The following PHC2 variants were observed in gnomAD, a reference collection of about 807,000 sequenced individuals.
PHC2 encodes the protein polyhomeotic homolog 2.
A neutral mutation model predicts 87.4 loss-of-function variants in PHC2; 29 were observed. The ratio of observed to expected loss-of-function variants is 0.33; its 90% CI spans 0.25 to 0.45. The LOEUF is 0.45. Ranked by LOEUF, PHC2 falls within the 20% of genes least tolerant of loss-of-function variation. The pLI is 1.00. For synonymous variants in PHC2, 438 were observed against 461.7 expected (o/e 0.95, Z 0.66); for missense variants, 857 against 1,136.7 (o/e 0.75, Z 3.54).
chr1:33,340,065 G>A (rs946811256), intron 9 of PHC2, among the ~76,000 whole-genome samples: 5 of 152,154 alleles, frequency 3.3e-5, no homozygotes, highest in African/African-American at 7.2e-5. Flanking sequence ...GAGACCAAAC[G>A]GAGCTTTTCC....
intron 1 of PHC2, among the ~76,000 whole-genome samples, chr1:33,428,800 A>G (rs1211894078): frequency 1.3e-5 from 2 of 152,182 alleles, no homozygotes; most frequent in African/African-American, 4.8e-5. Context: ...GGGAGGGTGA[A>G]CAGAAAGGAG....
chr1:33,408,428 C>G lies in PHC2; in HGVS notation c.-55+22548G>C, dbSNP rs115270119. 7.7e-3 allele frequency among the ~76,000 whole-genome samples: 1,148 copies of G among 148,414 alleles called. 14 individuals carry two copies. The highest frequency in any genetic ancestry group is 0.028 in the African/African-American group (1,114 of 39,206). ...CAGTAAGCTCTTGAAGATTAGATACCCTTTCTGTTTTTAGTAGTTTTTTTG... is the reference window on the plus strand; with the variant it reads ...CAGTAAGCTCTTGAAGATTAGATACGCTTTCTGTTTTTAGTAGTTTTTTTG... On this transcript the variant is annotated intron_variant, in intron 1 of 14. Coordinates refer to ENST00000683057, the MANE Select transcript of PHC2 (RefSeq NM_001385109.1).
chr1:33,341,248 G>A (rs1271828816), intron 9 of PHC2, among the ~76,000 whole-genome samples: 1 of 152,214 alleles, frequency 6.6e-6, no homozygotes, highest in Non-Finnish European at 1.5e-5. Context: ...TTGGACACAG[G>A]CAGTGGCAGA....
intron 1 of PHC2, among the ~76,000 whole-genome samples, chr1:33,401,185 G>A (rs1360779045): frequency 2.0e-5 from 3 of 152,104 alleles, no homozygotes; most frequent in African/African-American, 7.2e-5. Context: ...AATTAGCCGG[G>A]TGTGGTGGCA....
intron 7 of PHC2, among the ~76,000 whole-genome samples, chr1:33,357,198 T>C (rs1399510618): frequency 6.6e-6 from 1 of 152,200 alleles, no homozygotes; most frequent in African/African-American, 2.4e-5. Context: ...AATGGATTTT[T>C]ACAACTAAAG....
chr1:33,332,308 T>C lies in PHC2; in HGVS notation c.1858A>G (p.Thr620Ala). The change falls in exon 11 of 15, where the codon ACT becomes GCT. Residue 620 changes from threonine to alanine, a missense_variant. By Grantham distance (58) the Thr-to-Ala change is moderately conservative. Coordinates refer to ENST00000683057, the MANE Select transcript of PHC2 (RefSeq NM_001385109.1). This position sits in a 1 kb window ranked among gnomAD's most constrained non-coding sequence, Gnocchi z 4.2. ...KLPQQDHTTT[T>A]DSEMEEPYLQ... ...TAGGGCTCCTCCATCTCCGAGTCAG[T>C]GGTGGTGGTGTGATCCTGCTGTGGA... 6.2e-7 allele frequency: 1 copy of C among 1,613,886 alleles called. No homozygotes were observed. Among genetic ancestry groups the C allele is most frequent in the South Asian group, 1.1e-5 (1 of 91,056 alleles).
chr1:33,425,009 A>T lies in PHC2; in HGVS notation c.-55+5967T>A, dbSNP rs568941932. 2.0e-5 allele frequency among the ~76,000 whole-genome samples: 3 copies of T among 152,362 alleles called. No homozygotes were observed. The South Asian group carries it at 6.2e-4, about 32-fold the overall frequency. On this transcript the variant is annotated intron_variant, in intron 1 of 14. Coordinates refer to ENST00000683057, the MANE Select transcript of PHC2 (RefSeq NM_001385109.1). ...TTCACTAAGTATTTGCTGTGCAGCT[A>T]CTAGGGCATGGTGTCGGGAAAAGAG...
rs10718909 is a variant in PHC2, at chr1:33,351,951, CAAAAAAAAAAAA to C, written c.1558+2438_1558+2449del. ...TGGGCGACAGAGTAAGAATGCATCTCAAAAAAAAAAAAAAAAAAAAAGACATACACAGAATGG... is the reference window on the plus strand; with the variant it reads ...TGGGCGACAGAGTAAGAATGCATCTCAAAAAAAAAGACATACACAGAATGG... On this transcript the variant is annotated intron_variant, in intron 9 of 14. Coordinates refer to ENST00000683057, the MANE Select transcript of PHC2 (RefSeq NM_001385109.1). Among the ~76,000 whole-genome samples, 3 of 87,448 alleles carry C rather than the reference CAAAAAAAAAAAA, an allele frequency of 3.4e-5. No individual in the cohort carries two copies. In the Admixed American group the frequency reaches 3.8e-4, roughly 11 times the overall value. 57.4% of individuals were successfully genotyped at this position (87,448 alleles called of 152,430 possible).
chr1:33,371,484 GCCA>G (rs1270544538), intron 3 of PHC2, among the ~76,000 whole-genome samples: 2 of 151,654 alleles, frequency 1.3e-5, no homozygotes, highest in African/African-American at 2.4e-5. Flanking sequence ...ATCACACCTG[GCCA>G]CCGCCATCAC....
At chr1:33,416,173 T>C (rs1250255998) in intron 1 of PHC2, among the ~76,000 whole-genome samples, 3 of 152,044 alleles carry the variant, frequency 2.0e-5, no homozygotes, top group African/African-American at 7.3e-5. Flanking sequence ...ATACAGAAAG[T>C]GACTCCAAGG....
intron 1 of PHC2, among the ~76,000 whole-genome samples, chr1:33,427,663 T>C (rs972521952): frequency 6.6e-6 from 1 of 152,206 alleles, no homozygotes; most frequent in African/African-American, 2.4e-5. Context: ...TTTCCCACTC[T>C]TTCTGTACAA....
chr1:33,328,504 C>G (rs1170586122), intron 14 of PHC2, among the ~76,000 whole-genome samples: 2 of 151,684 alleles, frequency 1.3e-5, no homozygotes, highest in Non-Finnish European at 2.9e-5. Flanking sequence ...GTGTGAGCCA[C>G]CACACCTGGC....
intron 7 of PHC2, among the ~76,000 whole-genome samples, chr1:33,356,797 G>A (rs1207344537): frequency 6.6e-6 from 1 of 152,140 alleles, no homozygotes; most frequent in Non-Finnish European, 1.5e-5. Context: ...TTCTCAATGA[G>A]CTGTTGGGTA....
intron 1 of PHC2, among the ~76,000 whole-genome samples, chr1:33,402,967 C>T (rs1258599749): frequency 6.6e-6 from 1 of 151,724 alleles, no homozygotes; most frequent in Non-Finnish European, 1.5e-5. Context: ...TGCCACCACG[C>T]CCGACTTTTT....
At chr1:33,342,520 C>A (rs1366723003) in intron 9 of PHC2, among the ~76,000 whole-genome samples, 1 of 140,340 alleles carries the variant, frequency 7.1e-6, no homozygotes, top group Non-Finnish European at 1.6e-5. Context: ...CAGCCACCCT[C>A]CCCCCACCCC....
chr1:33,336,016 TCTCA>T (rs1417559277), intron 9 of PHC2, among the ~76,000 whole-genome samples: 2 of 150,926 alleles, frequency 1.3e-5, no homozygotes, highest in African/African-American at 4.9e-5. Flanking sequence ...TTAGATGGAG[TCTCA>T]CTCTGTCACC....
intron 1 of PHC2, among the ~76,000 whole-genome samples, chr1:33,414,389 GTT>G (rs1322656172): frequency 1.3e-5 from 2 of 152,164 alleles, no homozygotes; most frequent in Admixed American, 1.3e-4. Context: ...AGTTTAAAAA[GTT>G]AGCATTTGTC....
intron 10 of PHC2, chr1:33,333,794 G>A: frequency 2.9e-6 from 1 of 350,606 alleles, no homozygotes; most frequent in Non-Finnish European, 5.2e-6. Context: ...ATATCCCACA[G>A]TGAACTCCCT....
At chr1:33,345,888 A>C (rs924079374) in intron 9 of PHC2, 2 of 985,158 alleles carry the variant, frequency 2.0e-6, no homozygotes, top group African/African-American at 3.5e-5. Flanking sequence ...TCAAATGAAA[A>C]ATGTTAAATA....
Sources: gnomAD v4.1 joint callset for allele counts (sites outside exome capture counted in the v4.1 genomes callset) on GRCh38, gnomAD v4.1.1 for gene constraint, Gnocchi (gnomAD v3.1) non-coding constraint, MANE v1.5 for transcripts, NCBI Gene and HGNC (gene_info 2026-07-23, HGNC 2026-07-21) for gene names.